Variants in PCDH15 observed in about 807,000 individuals in gnomAD.
The protein encoded by PCDH15 is protocadherin related 15.
In PCDH15, 129 loss-of-function variants were observed where a neutral mutation model predicts 178.5. The ratio of observed to expected loss-of-function variants is 0.72; its 90% CI spans 0.63 to 0.84. PCDH15 has a LOEUF of 0.84. Ranked by LOEUF, PCDH15 falls within the 40% of genes least tolerant of loss-of-function variation. The probability of loss-of-function intolerance (pLI) is 0.00; values close to 1 mark genes in which losing one functional copy is unlikely to be tolerated. For synonymous variants in PCDH15, 800 were observed against 732.0 expected (o/e 1.09, Z -1.50); for missense variants, 2,230 against 2,099.9 (o/e 1.06, Z -1.21).
chr10:54,015,664 T>C (rs2092718291), intron 20 of PCDH15, among the ~76,000 whole-genome samples: 1 of 152,210 alleles, frequency 6.6e-6, no homozygotes, highest in Admixed American at 6.5e-5. Context: ...GACTCCCTAT[T>C]CAGCAAATGA....
intron 2 of PCDH15, among the ~76,000 whole-genome samples, chr10:55,563,735 G>T (rs944754514): frequency 6.7e-6 from 1 of 149,984 alleles, no homozygotes; most frequent in Non-Finnish European, 1.5e-5. Context: ...AAAGCATACA[G>T]AAAGTCAAGG....
chr10:55,368,529 C>A (rs1992821), intron 2 of PCDH15, among the ~76,000 whole-genome samples: 85,081 of 151,918 alleles, frequency 0.56, 24,477 homozygotes, highest in African/African-American at 0.67. Context: ...TGTAGAACAA[C>A]TATCTCTTAG....
At chr10:53,992,956 A>G (rs1184295795) in intron 21 of PCDH15, among the ~76,000 whole-genome samples, 1 of 152,172 alleles carries the variant, frequency 6.6e-6, no homozygotes, top group Non-Finnish European at 1.5e-5. Context: ...TGGCTTTCAG[A>G]GTTTTTCCAG....
At chr10:55,391,174 C>T (rs150511385) in intron 2 of PCDH15, among the ~76,000 whole-genome samples, 33 of 152,162 alleles carry the variant, frequency 2.2e-4, no homozygotes, top group Middle Eastern at 6.8e-3. Flanking sequence ...GCTAGATCAT[C>T]TGGATAACTG....
intron 1 of PCDH15, among the ~76,000 whole-genome samples, chr10:54,791,459 T>C (rs1003234214): frequency 7.9e-5 from 12 of 151,874 alleles, no homozygotes; most frequent in African/African-American, 2.7e-4. Flanking sequence ...GACCTCTTCT[T>C]TTCTTAAAAT....
intron 2 of PCDH15, among the ~76,000 whole-genome samples, chr10:54,563,675 C>T (rs890994771): frequency 2.0e-5 from 3 of 152,198 alleles, no homozygotes; most frequent in African/African-American, 4.8e-5. Flanking sequence ...AGGACATCAC[C>T]TTGCCCTACC....
chr10:54,312,955 A>C (rs1591743264), intron 8 of PCDH15, among the ~76,000 whole-genome samples: 1 of 152,194 alleles, frequency 6.6e-6, no homozygotes, highest in South Asian at 2.1e-4. Flanking sequence ...TATTTGCCAT[A>C]ATTACTTAAA....
chr10:53,943,257 G>T (rs1348717748), intron 23 of PCDH15, among the ~76,000 whole-genome samples: 1 of 151,988 alleles, frequency 6.6e-6, no homozygotes, highest in Admixed American at 6.6e-5. Context: ...TGGAGGCTGA[G>T]CCGGGTGAAT....
intron 2 of PCDH15, among the ~76,000 whole-genome samples, chr10:55,529,779 T>TATATATA (rs1841406133): frequency 3.0e-5 from 1 of 33,002 alleles, no homozygotes. Context: ...ATATATATAT[T>TATATATA]TGATTACCAC....
At chr10:54,663,689 T>TA (rs1038518886) in intron 2 of PCDH15, among the ~76,000 whole-genome samples, 1 of 114,336 alleles carries the variant, frequency 8.7e-6, no homozygotes, top group Non-Finnish European at 1.9e-5. Context: ...TTTCTATTCT[T>TA]CCCAAAAAAA....
chr10:54,736,707 A>C (rs1332186022), intron 1 of PCDH15, among the ~76,000 whole-genome samples: 2 of 152,022 alleles, frequency 1.3e-5, no homozygotes, highest in African/African-American at 4.8e-5. Context: ...ACTAGGTTTT[A>C]AGGTTCTTAA....
intron 2 of PCDH15, among the ~76,000 whole-genome samples, chr10:55,353,402 A>G (rs1266421054): frequency 1.3e-5 from 2 of 152,176 alleles, no homozygotes; most frequent in African/African-American, 4.8e-5. Context: ...TAGGATTTGA[A>G]GTCAACTGGA....
At chr10:54,089,851 C>CTA in intron 16 of PCDH15, 133 bp downstream of exon 16, 1 of 704,072 alleles carries the variant, frequency 1.4e-6, no homozygotes, top group Admixed American at 2.2e-5. Context: ...TCCCAGCTAC[C>CTA]ATTAGCATTC....
At chr10:55,573,593 A>G (rs1325439456) in intron 2 of PCDH15, among the ~76,000 whole-genome samples, 1 of 152,132 alleles carries the variant, frequency 6.6e-6, no homozygotes, top group Non-Finnish European at 1.5e-5. Context: ...AAAATAATCA[A>G]ATGTAAAAGT....
chr10:54,066,667 A>G (rs1448291912), intron 18 of PCDH15, 90 bp downstream of exon 18: 5 of 1,324,526 alleles, frequency 3.8e-6, no homozygotes, highest in Non-Finnish European at 5.4e-6. Context: ...AACAGATTAC[A>G]TTAGCTGAGT....
intron 2 of PCDH15, among the ~76,000 whole-genome samples, chr10:55,399,146 T>G (rs1002085355): frequency 6.6e-6 from 1 of 152,152 alleles, no homozygotes; most frequent in Non-Finnish European, 1.5e-5. Context: ...AAAATATCAT[T>G]CTATATGTAG....
intron 2 of PCDH15, among the ~76,000 whole-genome samples, chr10:55,097,009 C>T (rs1420837425): frequency 6.6e-6 from 1 of 152,036 alleles, no homozygotes; most frequent in Non-Finnish European, 1.5e-5. Flanking sequence ...CATCTCATTA[C>T]AGTTTCCCTA....
At chr10:54,157,297 C>T (rs969149132) in intron 13 of PCDH15, among the ~76,000 whole-genome samples, 1 of 152,250 alleles carries the variant, frequency 6.6e-6, no homozygotes, top group Non-Finnish European at 1.5e-5. Context: ...TGTTTCCATA[C>T]ATCCTCTGAA....
chr10:54,349,146 T>C (rs1030828306), intron 5 of PCDH15, among the ~76,000 whole-genome samples: 3 of 152,090 alleles, frequency 2.0e-5, no homozygotes, highest in Non-Finnish European at 4.4e-5. Flanking sequence ...TTAAACAGTA[T>C]CGTCTGTGGA....
Sources: allele counts gnomAD v4.1 joint callset (sites outside exome capture counted in the v4.1 genomes callset), GRCh38; gene constraint gnomAD v4.1.1; transcripts MANE v1.5; gene names NCBI Gene and HGNC (gene_info 2026-07-23, HGNC 2026-07-21).